The following NSUN7 variants were observed in gnomAD, a reference collection of about 807,000 sequenced individuals.
NSUN7 encodes protein NSUN7.
A neutral mutation model predicts 58.5 loss-of-function variants in NSUN7; 39 were observed. The observed-to-expected ratio is 0.67, with a 90% confidence interval of 0.52 to 0.87. NSUN7 has a LOEUF of 0.87. Among genes scored for constraint, NSUN7 ranks in the 40% least tolerant of loss-of-function variants. The pLI, the probability that NSUN7 is intolerant of heterozygous loss-of-function variation, is 0.00. For synonymous variants in NSUN7, 278 were observed against 303.7 expected, an observed-to-expected ratio of 0.92 and a Z score of 0.88; for missense variants, 765 against 844.1, an observed-to-expected ratio of 0.91 and a Z score of 1.16.
In NSUN7 at chr4:40,750,788, G is replaced by GCT; in HGVS notation, c.97_98dup (p.Ala34GlnfsTer35). The GCT allele has an allele frequency of 6.2e-7, 1 of 1,614,170 alleles. No individual in the cohort carries two copies. On this transcript the variant is annotated frameshift_variant, in exon 2 of 12. Coordinates refer to ENST00000381782, the MANE Select transcript of NSUN7 (RefSeq NM_024677.6). LOFTEE classifies it high-confidence loss of function. ...TCCCTGCCTCTGTCCGGTGGGAAAA[G>GCT]CTCAGCTGGTGTGCCCGAAAAAACG...
intron 7 of NSUN7, among the ~76,000 whole-genome samples, chr4:40,790,162 G>C (rs1348650727): frequency 2.1e-5 from 3 of 143,014 alleles, no homozygotes; most frequent in Non-Finnish European, 4.5e-5. Flanking sequence ...CTATATAATA[G>C]ACAGCACGCT....
chr4:40,799,826 G>A (rs1743503044), intron 10 of NSUN7, among the ~76,000 whole-genome samples: 1 of 152,086 alleles, frequency 6.6e-6, no homozygotes, highest in Non-Finnish European at 1.5e-5. Context: ...CCTACCTGTT[G>A]CTTGTATTTC....
At chr4:40,758,215 C>T (rs575863692) in intron 2 of NSUN7, among the ~76,000 whole-genome samples, 92 of 152,128 alleles carry the variant, frequency 6.0e-4, no homozygotes, top group African/African-American at 2.0e-3. Context: ...TCACCACACC[C>T]GGCCAGCTTT....
At chr4:40,765,854 G>C (rs1741699325) in intron 4 of NSUN7, among the ~76,000 whole-genome samples, 1 of 152,138 alleles carries the variant, frequency 6.6e-6, no homozygotes, top group Non-Finnish European at 1.5e-5. Context: ...TTGTGAATGG[G>C]AGTTCACTCA....
At chr4:40,807,647 G>T (rs1743865941) in intron 11 of NSUN7, among the ~76,000 whole-genome samples, 1 of 151,966 alleles carries the variant, frequency 6.6e-6, no homozygotes, top group Non-Finnish European at 1.5e-5. Flanking sequence ...CACCCGGCCA[G>T]CCCTGTTCTT....
chr4:40,759,499 G>T (rs1741336210), intron 2 of NSUN7, among the ~76,000 whole-genome samples: 1 of 152,034 alleles, frequency 6.6e-6, no homozygotes, highest in Non-Finnish European at 1.5e-5. Context: ...ATATGCACAT[G>T]GCTAACTCCT....
intron 9 of NSUN7, among the ~76,000 whole-genome samples, chr4:40,794,902 A>G (rs1003611047): frequency 6.6e-6 from 1 of 152,224 alleles, no homozygotes; most frequent in African/African-American, 2.4e-5. Flanking sequence ...AGAGAGGTGC[A>G]ATCGCAGAGA....
intron 2 of NSUN7, 119 bp from the exon 3 acceptor site, chr4:40,760,312 TGAG>T (rs1741386308): frequency 2.8e-6 from 2 of 709,824 alleles, no homozygotes; most frequent in Non-Finnish European, 4.9e-6. Flanking sequence ...TATCCAGAAT[TGAG>T]GTATATTTTA....
chr4:40,799,286 C>T (rs753969480), intron 10 of NSUN7, among the ~76,000 whole-genome samples: 2 of 151,296 alleles, frequency 1.3e-5, no homozygotes, highest in East Asian at 3.9e-4. Context: ...GGGGTTTTAC[C>T]GTATTGGCCA....
chr4:40,765,458 G>C (rs1404721387), intron 4 of NSUN7, among the ~76,000 whole-genome samples: 4 of 151,288 alleles, frequency 2.6e-5, no homozygotes, highest in Non-Finnish European at 1.5e-5. Context: ...TTTGATACCA[G>C]TACCATGCTG....
chr4:40,767,061 G>T (rs578099073), intron 4 of NSUN7, among the ~76,000 whole-genome samples: 4,805 of 150,514 alleles, frequency 0.032, 106 homozygotes, highest in Non-Finnish European at 0.054. Context: ...TTTTTGAAGG[G>T]TTTTTTGTGT....
chr4:40,798,065 C>T (rs1032165030), intron 9 of NSUN7, among the ~76,000 whole-genome samples: 1 of 152,216 alleles, frequency 6.6e-6, no homozygotes, highest in South Asian at 2.1e-4. Context: ...CTTTCTCTCA[C>T]TGCTCTATTT....
At chr4:40,796,095 T>C (rs2437306) in intron 9 of NSUN7, among the ~76,000 whole-genome samples, 80,121 of 152,038 alleles carry the variant, frequency 0.53, 21,545 homozygotes, top group Admixed American at 0.62. Context: ...GAGCCAGGCG[T>C]GGTGGCTCAT....
chr4:40,760,410 A>ACC, intron 2 of NSUN7, 24 bp from the exon 3 acceptor site: 1 of 1,591,250 alleles, frequency 6.3e-7, no homozygotes. Flanking sequence ...ATTTTCAGTA[A>ACC]CAGGCCTTTC....
In NSUN7 at chr4:40,809,047, AC is replaced by A; in HGVS notation, c.*110del. On this transcript the variant is annotated 3_prime_UTR_variant, in exon 12 of 12. Transcript: ENST00000381782. Reference sequence around the variant, plus strand: ...ACACAAGATATTCATTCTTTTGGTCACCTAGGGATCTTCTAAGTGTGATATT... The same window carrying A: ...ACACAAGATATTCATTCTTTTGGTCACTAGGGATCTTCTAAGTGTGATATT... 1 of 1,163,422 alleles carries A rather than the reference AC, an allele frequency of 8.6e-7. No homozygotes were observed. The highest frequency in any genetic ancestry group is 1.2e-6 in the Non-Finnish European group (1 of 855,396). The allele number at this position is 1,163,422 out of a possible 1,614,324, so 72.1% of individuals were successfully genotyped here. A position where few individuals can be genotyped will look rare whatever the true frequency, so the allele number is the denominator to read the frequency against.
intron 7 of NSUN7, among the ~76,000 whole-genome samples, chr4:40,778,464 G>C (rs1417714934): frequency 1.3e-5 from 2 of 152,190 alleles, no homozygotes. Context: ...AATTGTGAGG[G>C]CAGAGCCCTC....
rs376458159 is a variant in NSUN7, at chr4:40,755,159, G to A, written c.298+4168G>A. Among the ~76,000 whole-genome samples, 56 of 152,160 alleles carry A rather than the reference G, an allele frequency of 3.7e-4. No homozygotes were observed. In the East Asian group the frequency reaches 7.5e-3, roughly 20 times the overall value. On this transcript the variant is annotated intron_variant, in intron 2 of 11. Transcript: ENST00000381782. ...GACTGGAGTGCAGTGGCGCGATCTC[G>A]GCTCACTGCAACCTCTTTCTCCCAG...
At chr4:40,761,073 GCT>G in intron 3 of NSUN7, 96 bp from the exon 4 acceptor site, 1 of 940,966 alleles carries the variant, frequency 1.1e-6, no homozygotes, top group East Asian at 2.7e-5. Flanking sequence ...TCGTATTCCT[GCT>G]CTGTTATGAA....
chr4:40,801,901 CAAAAAAA>C (rs56868885), intron 10 of NSUN7, among the ~76,000 whole-genome samples: 7 of 107,400 alleles, frequency 6.5e-5, no homozygotes, highest in Admixed American at 1.8e-4. Flanking sequence ...GACTCTGTCT[CAAAAAAA>C]AAAAAAAAAA....
Sources: gnomAD v4.1 joint callset for allele counts (sites outside exome capture counted in the v4.1 genomes callset) on GRCh38, gnomAD v4.1.1 for gene constraint, MANE v1.5 for transcripts, NCBI Gene and HGNC (gene_info 2026-07-23, HGNC 2026-07-21) for gene names.